The following MYO15B variants were observed in gnomAD, a reference collection of about 807,000 sequenced individuals.
MYO15B encodes myosin XVB pseudogene.
In MYO15B, 207 loss-of-function variants were observed where a neutral mutation model predicts 119.3. The ratio of observed to expected loss-of-function variants is 1.73; its 90% CI spans 1.55 to 1.95. The LOEUF (loss-of-function observed/expected upper bound fraction) is 1.95. Ranked by LOEUF, MYO15B falls within the 30% of genes most tolerant of loss-of-function variation. The pLI is 0.00. For synonymous variants in MYO15B, 966 were observed against 498.9 expected, an observed-to-expected ratio of 1.94 and a Z score of -12.48; for missense variants, 2,264 against 1,203.1, an observed-to-expected ratio of 1.88 and a Z score of -13.04.
At chr17:75,599,346 C>T (rs2147814651) in intron 14 of MYO15B, among the ~76,000 whole-genome samples, 1 of 151,830 alleles carries the variant, frequency 6.6e-6, no homozygotes, top group South Asian at 2.1e-4. Context: ...GTGATCTTGG[C>T]CCACTGCAAG....
At chr17:75,625,915 T>G (rs1161073571) in exon 62 of MYO15B, 2 of 702,748 alleles carry the variant, frequency 2.8e-6, no homozygotes, top group Admixed American at 4.0e-5. Context: ...GCAGGCCCTG[T>G]CCGGACCCAC....
intron 58 of MYO15B, 47 bp from the exon 59 acceptor site, chr17:75,624,724 C>A (rs820187): frequency 0.99 from 699,079 of 702,634 alleles, 347,856 homozygotes; most frequent in East Asian, 1. Context: ...GTGGCAGGGC[C>A]GGGTGTGTGT....
At position 75,589,641 on chromosome 17, in the gene MYO15B, C is replaced by T. The variant is rs1042450810; in HGVS notation, c.1584C>T (p.Pro528=). The change falls in exon 1 of 64, where the codon CCC becomes CCT. Residue 528 remains proline, a synonymous_variant. Coordinates refer to ENST00000645453, the Ensembl canonical transcript of MYO15B. The surrounding 1 kb of genome is among the most constrained non-coding windows in gnomAD (Gnocchi z 4.2). ...CGCAGGTCCCGACAAGCCCAGTCCC[C>T]GGCGACCCTTTTGATCAGGAGGACG... The T allele has an allele frequency of 1.3e-5, 5 of 398,940 alleles. No individual in the cohort carries two copies. Among genetic ancestry groups the T allele is most frequent in the South Asian group, 1.3e-4 (1 of 7,866 alleles). 24.7% of individuals were successfully genotyped at this position (398,940 alleles called of 1,614,324 possible).
At chr17:75,593,197 T>TAA (rs5822094) in intron 9 of MYO15B, among the ~76,000 whole-genome samples, 21,638 of 74,018 alleles carry the variant, frequency 0.29, 3,171 homozygotes, top group East Asian at 0.47. Flanking sequence ...CCGTCTCTAT[T>TAA]AAAAAAAAAA....
exon 59 of MYO15B, chr17:75,624,806 C>T (rs1181514427): frequency 2.8e-6 from 2 of 702,852 alleles, no homozygotes; most frequent in African/African-American, 3.5e-5. Flanking sequence ...CGCCGAATAC[C>T]TCAACAGCGT....
In MYO15B at chr17:75,626,010, G is replaced by C. The variant is rs760692356; in HGVS notation, c.9072+33G>C. The C allele has an allele frequency of 5.7e-6, 4 of 699,176 alleles. No individual in the cohort carries two copies. The South Asian group carries it at 5.9e-5, about 10-fold the overall frequency. The allele number at this position is 699,176 out of a possible 1,614,324, so 43.3% of individuals were successfully genotyped here. On this transcript the variant is annotated intron_variant, in intron 62 of 63. Transcript: ENST00000645453. ...CAGCTCTTGCCTCAGCACTGGCCTA[G>C]GGACCCTTGGGCTGTTCCATCACCC...
chr17:75,614,496 G>T, intron 30 of MYO15B, 87 bp from the exon 31 acceptor site: 1 of 673,064 alleles, frequency 1.5e-6, no homozygotes, highest in South Asian at 1.6e-5. Context: ...ACCATGGGGT[G>T]ACCCCCGCAG....
At chr17:75,595,046 T>A (rs2056762287) in intron 12 of MYO15B, 74 bp downstream of exon 12, 4 of 679,600 alleles carry the variant, frequency 5.9e-6, no homozygotes, top group African/African-American at 1.8e-5. Flanking sequence ...CCCCCACAGC[T>A]CCAGCTCTCC....
At chr17:75,598,629 CAT>C (rs1260464824) in intron 14 of MYO15B, among the ~76,000 whole-genome samples, 2 of 151,556 alleles carry the variant, frequency 1.3e-5, no homozygotes, top group Non-Finnish European at 2.9e-5. Context: ...TAATGCAATA[CAT>C]GTCTTCATGT....
chr17:75,620,680 G>A (rs2058655608), intron 49 of MYO15B, 44 bp downstream of exon 49: 2 of 691,174 alleles, frequency 2.9e-6, no homozygotes, highest in Non-Finnish European at 2.7e-6. Flanking sequence ...AGGCCTGCCT[G>A]AGACTGAGGA....
chr17:75,613,399 C>T (rs867217938), exon 28 of MYO15B: 13 of 673,386 alleles, frequency 1.9e-5, no homozygotes, highest in Middle Eastern at 3.4e-4. Context: ...TCGGGCCCAC[C>T]CCCCGACCCA....
intron 21 of MYO15B, 160 bp downstream of exon 21, chr17:75,606,181 C>T: frequency 1.8e-6 from 1 of 542,694 alleles, no homozygotes; most frequent in East Asian, 3.0e-5. Context: ...CGGCATTACC[C>T]CCCATACCCG....
At chr17:75,612,476 C>T (rs946564285) in intron 25 of MYO15B, among the ~76,000 whole-genome samples, 5 of 152,048 alleles carry the variant, frequency 3.3e-5, no homozygotes, top group African/African-American at 7.3e-5. Flanking sequence ...AGTTTGAGAC[C>T]GGCCTGGCCA....
chr17:75,610,605 C>A, intron 22 of MYO15B: 1 of 545,162 alleles, frequency 1.8e-6, no homozygotes, highest in Non-Finnish European at 3.3e-6. Context: ...GGTCAATGCC[C>A]ACGTGCTACC....
At chr17:75,601,675 T>A (rs2057294807) in intron 15 of MYO15B, 112 bp downstream of exon 15, 2 of 639,342 alleles carry the variant, frequency 3.1e-6, no homozygotes, top group Admixed American at 2.2e-5. Flanking sequence ...CTTGCAAGGC[T>A]TGGACACCTG....
exon 21 of MYO15B, chr17:75,605,946 G>T (rs577070133): frequency 1.4e-6 from 1 of 702,596 alleles, no homozygotes; most frequent in African/African-American, 1.7e-5. Flanking sequence ...GACCTGCACC[G>T]CAGCTTCCAC....
At chr17:75,626,228 G>C in exon 63 of MYO15B, 1 of 703,008 alleles carries the variant, frequency 1.4e-6, no homozygotes, top group South Asian at 1.5e-5. Context: ...AGCTGCCACA[G>C]GTGAGTGGCC....
chr17:75,623,770 T>C lies in MYO15B; in HGVS notation c.8083-11T>C, dbSNP rs1385940984. 1 of 703,202 alleles carries C rather than the reference T, an allele frequency of 1.4e-6. No homozygotes were observed. Among genetic ancestry groups the C allele is most frequent in the East Asian group, 2.7e-5 (1 of 37,278 alleles). The allele number at this position is 703,202 out of a possible 1,614,324, so 43.6% of individuals were successfully genotyped here. A position where few individuals can be genotyped will look rare whatever the true frequency, so the allele number is the denominator to read the frequency against. ...CATCCCTCACCCCACCTGCCCTTCC[T>C]GTCCCCACAGCTGTGCCAGCAGGAG... is the stretch of plus-strand genomic sequence containing the variant. On this transcript the variant is annotated splice_polypyrimidine_tract_variant and intron_variant, in intron 53 of 63. Transcript: ENST00000645453.
chr17:75,594,487 G>T lies in MYO15B; in HGVS notation c.3004G>T (p.Glu1002Ter). Residue 1002 changes from glutamate (E) to a stop codon, truncating the protein, a stop_gained, in exon 10 of 64, where the codon GAG (glutamate) becomes TAG (stop). Coordinates refer to ENST00000645453, the Ensembl canonical transcript of MYO15B. LOFTEE classifies it high-confidence loss of function. ...CCTCTCTGTGTAGCGAGAGTCCCAGGAGGTGGCTGCTGTGTCTAGCTGGGC... is the reference window on the plus strand; with the variant it reads ...CCTCTCTGTGTAGCGAGAGTCCCAGTAGGTGGCTGCTGTGTCTAGCTGGGC... 1.7e-6 allele frequency: 1 copy of T among 605,734 alleles called. No individual in the cohort carries two copies. The highest frequency in any genetic ancestry group is 3.0e-6 in the Non-Finnish European group (1 of 338,218). The allele number at this position is 605,734 out of a possible 1,614,324, so 37.5% of individuals were successfully genotyped here.
Sources: allele counts gnomAD v4.1 joint callset (sites outside exome capture counted in the v4.1 genomes callset), GRCh38; gene constraint gnomAD v4.1.1; non-coding constraint Gnocchi (gnomAD v3.1); transcripts MANE v1.5; gene names NCBI Gene and HGNC (gene_info 2026-07-23, HGNC 2026-07-21).